FRK: variants seen among roughly 807,000 people sequenced by gnomAD.
The protein encoded by FRK is fyn related Src family tyrosine kinase.
In FRK, 51 loss-of-function variants were observed where a neutral mutation model predicts 56.4. The observed-to-expected ratio is 0.90, with a 90% CI of 0.72 to 1.14. The LOEUF is 1.14. Among genes scored for constraint, FRK ranks in the 50% most tolerant of loss-of-function variants. The probability of loss-of-function intolerance (pLI) is 0.00; values close to 1 mark genes in which losing one functional copy is unlikely to be tolerated. For missense variants in FRK, 570 were observed against 601.4 expected (o/e 0.95, Z 0.55); for synonymous variants, 245 against 217.9 (o/e 1.12, Z -1.10).
chr6:116,068,171 A>G, the FRK span, among the ~76,000 whole-genome samples: 1 of 152,218 alleles, frequency 6.6e-6, no homozygotes, highest in Admixed American at 6.5e-5. Flanking sequence ...CTCTTTAGTT[A>G]TAATCAGAGG....
chr6:115,988,666 T>A (rs913540619), intron 2 of FRK, among the ~76,000 whole-genome samples: 1 of 151,944 alleles, frequency 6.6e-6, no homozygotes, highest in East Asian at 1.9e-4. Context: ...ATTAAGAGTA[T>A]GGAGGGAAGA....
At chr6:115,957,538 G>A (rs1270116366) in intron 4 of FRK, among the ~76,000 whole-genome samples, 2 of 152,146 alleles carry the variant, frequency 1.3e-5, no homozygotes, top group African/African-American at 2.4e-5. Flanking sequence ...TGCTCAAAGA[G>A]ACTACTACAT....
chr6:116,082,140 G>C, the FRK span, among the ~76,000 whole-genome samples: 1 of 152,136 alleles, frequency 6.6e-6, no homozygotes, highest in Non-Finnish European at 1.5e-5. Flanking sequence ...CTCTGAAGGG[G>C]GAGCTTGTAC....
chr6:116,060,181 C>T lies in FRK; in HGVS notation c.131G>A (p.Gly44Asp), dbSNP rs753973199. Residue 44 changes from glycine (G) to aspartate (D), a missense_variant, in exon 1 of 8, where the codon GGC (glycine) becomes GAC (aspartate). Gly to Asp is a moderately conservative substitution (Grantham distance 94). Transcript: ENST00000606080. The part of the protein sequence containing the change: ...ALCSPQSQRH[G>D]HYFVALFDYQ... ...ATCAAACAAAGCCACAAAGTAGTGG[C>T]CATGCCTCTGTGACTGGGGAGAGCA... 1 of 1,614,148 alleles carries T rather than the reference C, an allele frequency of 6.2e-7. No homozygotes were observed. Among genetic ancestry groups the T allele is most frequent in the South Asian group, 1.1e-5 (1 of 91,074 alleles).
rs1772033335 is a variant in FRK, at chr6:115,935,818, A to C, written c.*6596T>G. 6.6e-6 allele frequency: 1 copy of C among 152,328 alleles called. No homozygotes were observed. Among genetic ancestry groups the C allele is most frequent in the Non-Finnish European group, 1.5e-5 (1 of 68,132 alleles). The allele number at this position is 152,328 out of a possible 1,614,324, so 9.4% of individuals were successfully genotyped here. A position where few individuals can be genotyped will look rare whatever the true frequency, so the allele number is the denominator to read the frequency against. On this transcript the variant is annotated 3_prime_UTR_variant, in exon 8 of 8. Coordinates refer to ENST00000606080, the MANE Select transcript of FRK (RefSeq NM_002031.3). ...CTCTCTAGATTCCTCCTCTCTGGGC[A>C]GGGCAACTCTAAAAAAAAGGCAGTC...
chr6:116,040,832 C>G (rs1048083044), intron 1 of FRK, among the ~76,000 whole-genome samples: 3 of 152,016 alleles, frequency 2.0e-5, no homozygotes, highest in African/African-American at 7.2e-5. Context: ...AATTATTATG[C>G]TTTAGAACCT....
At chr6:116,096,640 T>C in the FRK span, among the ~76,000 whole-genome samples, 1 of 152,100 alleles carries the variant, frequency 6.6e-6, no homozygotes, top group Admixed American at 6.5e-5. Flanking sequence ...ATCAGCACTC[T>C]GTAAAATGGA....
intron 2 of FRK, among the ~76,000 whole-genome samples, chr6:115,997,163 G>A (rs1774872476): frequency 6.6e-6 from 1 of 152,102 alleles, no homozygotes; most frequent in African/African-American, 2.4e-5. Context: ...TTTCTAAAAA[G>A]GCAGTTCTAC....
intron 1 of FRK, among the ~76,000 whole-genome samples, chr6:116,014,058 C>T (rs1368087214): frequency 6.6e-6 from 1 of 152,214 alleles, no homozygotes. Context: ...CATTTTAACA[C>T]TCAGTGATGC....
intron 1 of FRK, among the ~76,000 whole-genome samples, chr6:116,049,611 T>C (rs1777113520): frequency 6.6e-6 from 1 of 152,200 alleles, no homozygotes; most frequent in African/African-American, 2.4e-5. Flanking sequence ...TAAATCTCAC[T>C]TCCATCATTT....
At chr6:116,006,185 C>G (rs1180256905) in intron 1 of FRK, among the ~76,000 whole-genome samples, 1 of 152,012 alleles carries the variant, frequency 6.6e-6, no homozygotes, top group Non-Finnish European at 1.5e-5. Context: ...AAAGACAACA[C>G]AGTAGAAAAA....
In FRK at chr6:115,932,304, A is replaced by G. The variant is rs1771971407; in HGVS notation, c.*10110T>C. Reference sequence around the variant, plus strand: ...GGAATGTAGGCAGTAAGAGGATAACACTGAAAATTAAGATATGAATTTAAA... The same window carrying G: ...GGAATGTAGGCAGTAAGAGGATAACGCTGAAAATTAAGATATGAATTTAAA... On this transcript the variant is annotated 3_prime_UTR_variant, in exon 8 of 8. Coordinates refer to ENST00000606080, the MANE Select transcript of FRK (RefSeq NM_002031.3). The G allele has an allele frequency of 1.3e-5, 2 of 152,254 alleles. No homozygotes were observed. Among genetic ancestry groups the G allele is most frequent in the South Asian group, 4.1e-4 (2 of 4,834 alleles). The allele number at this position is 152,254 out of a possible 1,614,324, so 9.4% of individuals were successfully genotyped here.
intron 1 of FRK, among the ~76,000 whole-genome samples, chr6:116,023,868 C>T (rs547245682): frequency 6.6e-6 from 1 of 152,170 alleles, no homozygotes; most frequent in Admixed American, 6.5e-5. Context: ...TGTTATTTTA[C>T]TGTGTGTAAA....
At chr6:116,043,747 C>A (rs979129795) in intron 1 of FRK, among the ~76,000 whole-genome samples, 5 of 151,976 alleles carry the variant, frequency 3.3e-5, no homozygotes, top group Non-Finnish European at 5.9e-5. Flanking sequence ...CCAAGTAGAA[C>A]TGAAGGAGAT....
the FRK span, among the ~76,000 whole-genome samples, chr6:116,072,200 G>A: frequency 6.6e-6 from 1 of 152,072 alleles, no homozygotes; most frequent in Non-Finnish European, 1.5e-5. Context: ...ATACACAAGA[G>A]TCTTTAGATC....
intron 2 of FRK, among the ~76,000 whole-genome samples, chr6:115,976,161 T>C (rs1299987625): frequency 6.6e-6 from 1 of 152,118 alleles, no homozygotes; most frequent in Non-Finnish European, 1.5e-5. Flanking sequence ...TAAGGTCTTA[T>C]TTTGCAGTCC....
chr6:115,982,985 T>C (rs1774260530), intron 2 of FRK, among the ~76,000 whole-genome samples: 1 of 151,732 alleles, frequency 6.6e-6, no homozygotes, highest in African/African-American at 2.4e-5. Flanking sequence ...GGCACAAGAA[T>C]TGCTTGAACA....
the FRK span, among the ~76,000 whole-genome samples, chr6:116,068,819 A>G: frequency 2.0e-5 from 3 of 151,906 alleles, no homozygotes; most frequent in African/African-American, 4.8e-5. Context: ...ACTTGCAAGT[A>G]TATCAATTCA....
chr6:115,953,021 A>C lies in FRK; in HGVS notation c.958+3431T>G, dbSNP rs554058541. ...ACACCAGCATGGCACATGTATACAT[A>C]AGTAACTAACCTGCACATTGTGCAC... On this transcript the variant is annotated intron_variant, in intron 5 of 7. Coordinates refer to ENST00000606080, the MANE Select transcript of FRK (RefSeq NM_002031.3). Among the ~76,000 whole-genome samples the C allele has an allele frequency of 6.3e-3, 956 of 151,940 alleles. 11 individuals are homozygous for C. The highest frequency in any genetic ancestry group is 0.022 in the African/African-American group (892 of 41,376).
Sources: allele counts gnomAD v4.1 joint callset (sites outside exome capture counted in the v4.1 genomes callset), GRCh38; gene constraint gnomAD v4.1.1; transcripts MANE v1.5; gene names NCBI Gene and HGNC (gene_info 2026-07-23, HGNC 2026-07-21).